The following KCNAB2 variants were observed in gnomAD, a reference collection of about 807,000 sequenced individuals.
The protein encoded by KCNAB2 is voltage-gated potassium channel subunit beta-2.
In KCNAB2, 29 loss-of-function variants were observed where a neutral mutation model predicts 63.6. That is an observed-to-expected ratio of 0.46 (90% CI 0.34 to 0.62). The LOEUF (loss-of-function observed/expected upper bound fraction) is 0.62. Among genes scored for constraint, KCNAB2 ranks in the 20% least tolerant of loss-of-function variants. The pLI is 0.01. For synonymous variants in KCNAB2, 222 were observed against 224.2 expected, an observed-to-expected ratio of 0.99 and a Z score of 0.09; for missense variants, 359 against 563.9, an observed-to-expected ratio of 0.64 and a Z score of 3.68.
chr1:6,016,690 C>T (rs752015643), intron 1 of KCNAB2, among the ~76,000 whole-genome samples: 20 of 152,284 alleles, frequency 1.3e-4, no homozygotes, highest in Middle Eastern at 3.4e-3. Context: ...AGGCAGTAGA[C>T]GGCAGCGGTG....
At chr1:6,016,864 G>A (rs1036715151) in intron 1 of KCNAB2, among the ~76,000 whole-genome samples, 3 of 152,166 alleles carry the variant, frequency 2.0e-5, no homozygotes, top group Non-Finnish European at 4.4e-5. Context: ...TAATCACACC[G>A]CTGCTGAAAT....
At chr1:6,051,789 GT>G in intron 2 of KCNAB2, 35 bp downstream of exon 2, 1 of 1,513,080 alleles carries the variant, frequency 6.6e-7, no homozygotes, top group South Asian at 1.2e-5. Context: ...GGGGTGGGAA[GT>G]CTGATTTCAG....
intron 1 of KCNAB2, among the ~76,000 whole-genome samples, chr1:6,019,563 A>G (rs1233554026): frequency 6.6e-6 from 1 of 152,188 alleles, no homozygotes; most frequent in Non-Finnish European, 1.5e-5. Flanking sequence ...AATGATGGCT[A>G]ATTAAGGCTC....
intron 1 of KCNAB2, among the ~76,000 whole-genome samples, chr1:6,022,679 T>C (rs1658915924): frequency 6.6e-6 from 1 of 152,182 alleles, no homozygotes; most frequent in African/African-American, 2.4e-5. Context: ...GCCACCATTC[T>C]GCTTTCTGTC....
upstream of KCNAB2, among the ~76,000 whole-genome samples, chr1:6,031,800 G>A (rs1232421116): frequency 6.6e-6 from 1 of 152,048 alleles, no homozygotes; most frequent in East Asian, 1.9e-4. This position sits in a 1 kb window ranked among gnomAD's most constrained non-coding sequence, Gnocchi z 4.1. Flanking sequence ...GAGGTGGAAG[G>A]ATCCCTTGAG....
intron 7 of KCNAB2, among the ~76,000 whole-genome samples, chr1:6,088,699 TAAA>T (rs1251980260): frequency 5.8e-5 from 5 of 86,544 alleles, no homozygotes; most frequent in Non-Finnish European, 9.3e-5. Context: ...GTTCTTAATT[TAAA>T]AAATAATAAT....
chr1:6,084,258 C>T lies in KCNAB2; in HGVS notation c.381-946C>T, dbSNP rs529175947. On this transcript the variant is annotated intron_variant, in intron 5 of 15. Coordinates refer to ENST00000378083, the MANE Select transcript of KCNAB2 (RefSeq NM_001199862.2). Reference sequence around the variant, plus strand: ...GCTGCAGTGCCAGGCAAGGCTGGGACGGCCGCCCATGCCCCCAGCTGGCCT... The same window carrying T: ...GCTGCAGTGCCAGGCAAGGCTGGGATGGCCGCCCATGCCCCCAGCTGGCCT... Among the ~76,000 whole-genome samples, 269 of 152,338 alleles carry T rather than the reference C, an allele frequency of 1.8e-3. 1 individual carries two copies. The highest frequency in any genetic ancestry group is 5.9e-3 in the African/African-American group (244 of 41,582).
intron 1 of KCNAB2, among the ~76,000 whole-genome samples, chr1:6,037,627 A>C (rs1030661703): frequency 4.6e-5 from 7 of 152,342 alleles, no homozygotes; most frequent in African/African-American, 1.7e-4. Flanking sequence ...AAAGCACAGC[A>C]TCTTTAGGAG....
chr1:6,008,464 T>C (rs1570845631), intron 1 of KCNAB2, among the ~76,000 whole-genome samples: 2 of 151,804 alleles, frequency 1.3e-5, no homozygotes, highest in East Asian at 3.9e-4. Context: ...CTACTAAAAA[T>C]ACAAAAATTA....
chr1:6,082,801 G>A (rs958142938), intron 5 of KCNAB2, among the ~76,000 whole-genome samples: 6 of 152,168 alleles, frequency 3.9e-5, no homozygotes, highest in Non-Finnish European at 5.9e-5. Context: ...CTCCTGCATC[G>A]GGTTTCCAGA....
Position 6,005,899 on chromosome 1 carries a change from AC to A in KCNAB2, c.-53+13115del, listed in dbSNP as rs200545937. On this transcript the variant is annotated intron_variant, in intron 1 of 16. Coordinates refer to the KCNAB2 transcript ENST00000341524. ...TGATGTTCTGATCCATTCCACCCTCACCCCTCAGCTCAGCTCCCACATCCCC... is the reference window on the plus strand; with the variant it reads ...TGATGTTCTGATCCATTCCACCCTCACCCTCAGCTCAGCTCCCACATCCCC... Among the ~76,000 whole-genome samples, 338 of 140,890 alleles carry A rather than the reference AC, an allele frequency of 2.4e-3. 3 individuals are homozygous for A. The highest frequency in any genetic ancestry group is 8.5e-3 in the African/African-American group (307 of 36,038). 92.4% of individuals were successfully genotyped at this position (140,890 alleles called of 152,430 possible). A position where few individuals can be genotyped will look rare whatever the true frequency, so the allele number is the denominator to read the frequency against.
chr1:5,992,889 G>C (rs1273821237), intron 1 of KCNAB2: 2 of 152,308 alleles, frequency 1.3e-5, no homozygotes, highest in East Asian at 1.9e-4. Context: ...CAGGCGCCGC[G>C]GTCCCGTCTC....
chr1:6,061,259 A>C (rs1056610840), intron 2 of KCNAB2, among the ~76,000 whole-genome samples: 8 of 152,216 alleles, frequency 5.3e-5, no homozygotes, highest in African/African-American at 1.9e-4. Context: ...AAGAACCAGA[A>C]ATGGGTTGTA....
At chr1:6,062,481 G>A (rs1381278854) in intron 2 of KCNAB2, among the ~76,000 whole-genome samples, 3 of 152,192 alleles carry the variant, frequency 2.0e-5, no homozygotes, top group Admixed American at 2.0e-4. Flanking sequence ...TCTTTCCTGG[G>A]TCCATTGATC....
chr1:6,017,833 G>A (rs1658601972), intron 1 of KCNAB2, among the ~76,000 whole-genome samples: 1 of 152,044 alleles, frequency 6.6e-6, no homozygotes, highest in Admixed American at 6.5e-5. Context: ...GGGATTACAG[G>A]CATAAGCCAC....
At chr1:6,039,053 G>A (rs1305080758) in intron 1 of KCNAB2, among the ~76,000 whole-genome samples, 1 of 152,218 alleles carries the variant, frequency 6.6e-6, no homozygotes, top group Non-Finnish European at 1.5e-5. Flanking sequence ...GGGAACTGGG[G>A]CACCACAGAC....
chr1:6,026,695 G>A (rs1369874796), intron 1 of KCNAB2, among the ~76,000 whole-genome samples: 1 of 152,222 alleles, frequency 6.6e-6, no homozygotes, highest in African/African-American at 2.4e-5. Flanking sequence ...TGGACAGAGT[G>A]GGCCTGGCAC....
intron 11 of KCNAB2, among the ~76,000 whole-genome samples, chr1:6,094,992 A>T (rs1405181539): frequency 6.6e-6 from 1 of 152,186 alleles, no homozygotes; most frequent in Non-Finnish European, 1.5e-5. Flanking sequence ...CATTTTTCAG[A>T]TGTGGACACT....
chr1:6,070,708 G>A (rs958894034), intron 2 of KCNAB2, among the ~76,000 whole-genome samples: 1 of 152,048 alleles, frequency 6.6e-6, no homozygotes, highest in Non-Finnish European at 1.5e-5. Flanking sequence ...TTCTGTCCTC[G>A]TGGCAGCCAC....
Sources: allele counts gnomAD v4.1 joint callset (sites outside exome capture counted in the v4.1 genomes callset), GRCh38; gene constraint gnomAD v4.1.1; non-coding constraint Gnocchi (gnomAD v3.1); transcripts MANE v1.5; gene names NCBI Gene and HGNC (gene_info 2026-07-23, HGNC 2026-07-21).